ANGPT2: variants seen among roughly 807,000 people sequenced by gnomAD.
ANGPT2 encodes angiopoietin 2.
In ANGPT2, 28 loss-of-function variants were observed where a neutral mutation model predicts 62.9. That is an observed-to-expected ratio of 0.44 (90% CI 0.33 to 0.61). ANGPT2 has a LOEUF of 0.61. ANGPT2 is among the 20% of genes least tolerant of loss of function. The pLI is 0.03. For missense variants in ANGPT2, 727 were observed against 594.9 expected, an observed-to-expected ratio of 1.22 and a Z score of -2.31; for synonymous variants, 284 against 207.8, an observed-to-expected ratio of 1.37 and a Z score of -3.15.
At chr8:6,515,180 C>G (rs912592400) in intron 5 of ANGPT2, among the ~76,000 whole-genome samples, 1 of 151,024 alleles carries the variant, frequency 6.6e-6, no homozygotes, top group Non-Finnish European at 1.5e-5. Flanking sequence ...GACTTGTGTT[C>G]ACAGCCTTGA....
At chr8:6,542,294 GT>G (rs1271169986) in intron 1 of ANGPT2, among the ~76,000 whole-genome samples, 3 of 138,714 alleles carry the variant, frequency 2.2e-5, no homozygotes, top group African/African-American at 9.4e-5. Flanking sequence ...AGGTAGGGGT[GT>G]GTGTGTGTGT....
chr8:6,559,230 A>ACACAC (rs113856995), intron 1 of ANGPT2, among the ~76,000 whole-genome samples: 2 of 146,726 alleles, frequency 1.4e-5, no homozygotes, highest in African/African-American at 2.5e-5. Flanking sequence ...CACACACGAC[A>ACACAC]ACACACACAC....
chr8:6,519,790 G>A, intron 5 of ANGPT2, 74 bp downstream of exon 5: 11 of 1,540,398 alleles, frequency 7.1e-6, no homozygotes, highest in Non-Finnish European at 8.9e-7. Flanking sequence ...AGAGACTTCT[G>A]CTCTCTGGTT....
intron 1 of ANGPT2, among the ~76,000 whole-genome samples, chr8:6,544,011 C>T (rs1422047563): frequency 6.6e-6 from 1 of 152,154 alleles, no homozygotes; most frequent in South Asian, 2.1e-4. Context: ...TAGATCTGAT[C>T]AGCAGTAGAA....
chr8:6,522,312 G>A (rs1189435694), intron 3 of ANGPT2, among the ~76,000 whole-genome samples: 1 of 151,872 alleles, frequency 6.6e-6, no homozygotes, highest in African/African-American at 2.4e-5. Context: ...CTGAGATCAT[G>A]CCACTGCACT....
intron 1 of ANGPT2, among the ~76,000 whole-genome samples, chr8:6,533,470 A>G (rs1819911666): frequency 6.6e-6 from 1 of 151,034 alleles, no homozygotes; most frequent in Non-Finnish European, 1.5e-5. Context: ...TATGTAAAAT[A>G]GGGTTTCTGG....
At chr8:6,525,163 T>C (rs1489701335) in intron 3 of ANGPT2, among the ~76,000 whole-genome samples, 1 of 152,252 alleles carries the variant, frequency 6.6e-6, no homozygotes, top group Non-Finnish European at 1.5e-5. Context: ...ACCCATTACA[T>C]ATCTCGCCCA....
At chr8:6,541,184 G>A (rs962282388) in intron 1 of ANGPT2, among the ~76,000 whole-genome samples, 1 of 152,230 alleles carries the variant, frequency 6.6e-6, no homozygotes, top group Non-Finnish European at 1.5e-5. Context: ...AGCAGCACAA[G>A]AGGGTGAATT....
At chr8:6,532,815 C>T (rs942281276) in intron 1 of ANGPT2, among the ~76,000 whole-genome samples, 16 of 152,166 alleles carry the variant, frequency 1.1e-4, no homozygotes, top group Non-Finnish European at 1.5e-4. Flanking sequence ...CTGCTGGGTG[C>T]GGCCACTGTG....
intron 1 of ANGPT2, 75 bp downstream of exon 1, chr8:6,562,572 G>GTTTTTAAAAACAGA: frequency 2.3e-5 from 1 of 42,832 alleles, no homozygotes; most frequent in Non-Finnish European, 4.8e-5. Context: ...TTTTTTTTTT[G>GTTTTTAAAAACAGA]GTTGTTAAAA....
chr8:6,528,348 A>T (rs779921160), intron 2 of ANGPT2, among the ~76,000 whole-genome samples: 3 of 152,196 alleles, frequency 2.0e-5, no homozygotes, highest in Non-Finnish European at 2.9e-5. Flanking sequence ...GGTGGAAAGT[A>T]TTTTCCCTTT....
chr8:6,549,853 T>C (rs1166590657), intron 1 of ANGPT2, among the ~76,000 whole-genome samples: 11 of 152,202 alleles, frequency 7.2e-5, no homozygotes, highest in Admixed American at 7.2e-4. Flanking sequence ...GATTTGTGAA[T>C]TTTATTCTGT....
chr8:6,534,950 GT>G (rs1306673301), intron 1 of ANGPT2, among the ~76,000 whole-genome samples: 2 of 152,166 alleles, frequency 1.3e-5, no homozygotes. Context: ...AGTTAAAGCT[GT>G]GTGTCACCCA....
intron 1 of ANGPT2, among the ~76,000 whole-genome samples, chr8:6,547,576 T>C (rs115997957): frequency 0.021 from 3,258 of 152,290 alleles, 121 homozygotes; most frequent in African/African-American, 0.075. Flanking sequence ...AGTAGCACTT[T>C]GGACCACCGT....
chr8:6,553,762 A>T (rs1824099098), intron 1 of ANGPT2, among the ~76,000 whole-genome samples: 1 of 151,298 alleles, frequency 6.6e-6, no homozygotes, highest in African/African-American at 2.4e-5. Flanking sequence ...CAGTTTCCCC[A>T]TCCCCTTTTG....
At chr8:6,526,646 T>G (rs1563347309) in intron 3 of ANGPT2, among the ~76,000 whole-genome samples, 1 of 152,230 alleles carries the variant, frequency 6.6e-6, no homozygotes, top group Non-Finnish European at 1.5e-5. Flanking sequence ...TTCAGCTTAG[T>G]TCTTGATTAA....
chr8:6,559,110 G>C (rs1051155402), intron 1 of ANGPT2, among the ~76,000 whole-genome samples: 3 of 152,070 alleles, frequency 2.0e-5, no homozygotes, highest in Non-Finnish European at 4.4e-5. Context: ...GGAGGACCAC[G>C]GGAGACCAGT....
At chr8:6,507,559 AAC>A (rs1328365548) in intron 8 of ANGPT2, 1 of 150,052 alleles carries the variant, frequency 6.7e-6, no homozygotes, top group Non-Finnish European at 1.5e-5. Flanking sequence ...TCAGAAAAAT[AAC>A]ACTTTCTTTT....
intron 1 of ANGPT2, among the ~76,000 whole-genome samples, chr8:6,540,831 G>T (rs578227895): frequency 1.3e-5 from 2 of 152,260 alleles, no homozygotes; most frequent in African/African-American, 4.8e-5. Context: ...CAGGGGCGCC[G>T]CAGGGTGGTT....
Sources: gnomAD v4.1 joint callset for allele counts (sites outside exome capture counted in the v4.1 genomes callset) on GRCh38, gnomAD v4.1.1 for gene constraint, MANE v1.5 for transcripts, NCBI Gene and HGNC (gene_info 2026-07-23, HGNC 2026-07-21) for gene names.